ZNF516: variants seen among roughly 807,000 people sequenced by gnomAD.
The protein encoded by ZNF516 is zinc finger protein 516.
A neutral mutation model predicts 79.7 loss-of-function variants in ZNF516; 19 were observed. The ratio of observed to expected loss-of-function variants is 0.24; its 90% CI spans 0.17 to 0.35. The LOEUF (loss-of-function observed/expected upper bound fraction) is 0.35, where lower values mean the gene tolerates loss of function less well. ZNF516 is among the 10% of genes least tolerant of loss of function. The probability of loss-of-function intolerance (pLI) is 1.00; values close to 1 mark genes in which losing one functional copy is unlikely to be tolerated. For missense variants in ZNF516, 1,678 were observed against 1,679.5 expected (o/e 1.00, Z 0.02); for synonymous variants, 877 against 739.5 (o/e 1.19, Z -3.02).
intron 2 of ZNF516, among the ~76,000 whole-genome samples, chr18:76,450,751 T>C (rs1912358188): frequency 6.6e-6 from 1 of 152,230 alleles, no homozygotes; most frequent in Non-Finnish European, 1.5e-5. Flanking sequence ...AATAATGTTC[T>C]GACCAGTTAA....
chr18:76,434,708 C>T (rs2075707274), intron 3 of ZNF516, among the ~76,000 whole-genome samples: 1 of 152,174 alleles, frequency 6.6e-6, no homozygotes, highest in Admixed American at 6.5e-5. Flanking sequence ...TCCTGCCCCT[C>T]GCGGACACAC....
intron 1 of ZNF516, among the ~76,000 whole-genome samples, chr18:76,485,813 A>C (rs985481195): frequency 5.9e-5 from 9 of 151,866 alleles, no homozygotes; most frequent in African/African-American, 1.9e-4. Context: ...CGCACCACAG[A>C]AGCTCAGGGG....
intron 1 of ZNF516, among the ~76,000 whole-genome samples, chr18:76,470,167 C>T (rs893269798): frequency 2.0e-5 from 3 of 152,116 alleles, no homozygotes; most frequent in South Asian, 2.1e-4. Context: ...GATTTGGAAC[C>T]GCCCATTGGT....
chr18:76,399,146 C>T (rs940543826), intron 3 of ZNF516, among the ~76,000 whole-genome samples: 3 of 152,198 alleles, frequency 2.0e-5, no homozygotes, highest in Admixed American at 1.3e-4. Flanking sequence ...TGGTGCTACG[C>T]GTGTGGTCCC....
chr18:76,412,775 G>A (rs772071798), intron 3 of ZNF516, among the ~76,000 whole-genome samples: 9 of 152,134 alleles, frequency 5.9e-5, no homozygotes, highest in Non-Finnish European at 1.0e-4. Context: ...CACAGTTTTG[G>A]GCAACCAGGG....
intron 1 of ZNF516, among the ~76,000 whole-genome samples, chr18:76,470,268 A>T (rs1457991914): frequency 1.3e-5 from 2 of 152,060 alleles, no homozygotes; most frequent in East Asian, 3.9e-4. Context: ...TTTCCCCCCA[A>T]CTTTTAACTT....
At chr18:76,461,534 G>C (rs1913109525) in intron 2 of ZNF516, among the ~76,000 whole-genome samples, 1 of 152,148 alleles carries the variant, frequency 6.6e-6, no homozygotes, top group African/African-American at 2.4e-5. Context: ...AGGAAATTTG[G>C]GGGTGGAAGG....
At chr18:76,362,792 C>T (rs1453693030) in intron 6 of ZNF516, among the ~76,000 whole-genome samples, 4 of 152,142 alleles carry the variant, frequency 2.6e-5, no homozygotes, top group Non-Finnish European at 4.4e-5. Context: ...AGCTTGAAAA[C>T]GAATCATTTC....
intron 1 of ZNF516, 89 bp downstream of exon 1, chr18:76,495,055 G>A (rs1433558491): frequency 6.8e-6 from 1 of 147,582 alleles, no homozygotes; most frequent in South Asian, 2.1e-4. Context: ...GCACACCAGA[G>A]TACGGGGCAC....
chr18:76,491,674 AC>A, intron 1 of ZNF516: 17 of 474,814 alleles, frequency 3.6e-5, no homozygotes, highest in Non-Finnish European at 4.1e-5. Flanking sequence ...CACCGCCCCC[AC>A]CCCGGGGCGG....
intron 2 of ZNF516, among the ~76,000 whole-genome samples, chr18:76,447,304 C>T (rs1912114509): frequency 6.6e-6 from 1 of 152,218 alleles, no homozygotes; most frequent in Non-Finnish European, 1.5e-5. Context: ...CTTTAAATCC[C>T]GCCAACCCCT....
chr18:76,371,373 C>A, intron 5 of ZNF516, 94 bp downstream of exon 5: 1 of 1,286,606 alleles, frequency 7.8e-7, no homozygotes, highest in Admixed American at 2.2e-5. Flanking sequence ...GCTGAAATCT[C>A]AGTATCTCCC....
intron 3 of ZNF516, among the ~76,000 whole-genome samples, chr18:76,396,850 A>G (rs1039625317): frequency 1.3e-5 from 2 of 152,200 alleles, no homozygotes; most frequent in Non-Finnish European, 2.9e-5. Flanking sequence ...TATGATGTAG[A>G]AAATGCACGA....
intron 1 of ZNF516, among the ~76,000 whole-genome samples, chr18:76,471,835 C>T (rs1217749446): frequency 1.3e-5 from 2 of 152,186 alleles, no homozygotes; most frequent in Non-Finnish European, 2.9e-5. Context: ...GGAAGCTGTT[C>T]TGGGACTCCG....
intron 3 of ZNF516, among the ~76,000 whole-genome samples, chr18:76,406,182 T>C (rs1361596030): frequency 6.6e-6 from 1 of 152,152 alleles, no homozygotes; most frequent in African/African-American, 2.4e-5. Flanking sequence ...AAACCTCTCT[T>C]TTACCCTGAC....
At position 76,441,615 on chromosome 18, in the gene ZNF516, G is replaced by A. The variant is rs748827928; in HGVS notation, c.1440C>T (p.Arg480=). The A allele has an allele frequency of 1.3e-6, 2 of 1,493,446 alleles. No individual in the cohort carries two copies. The highest frequency in any genetic ancestry group is 1.4e-5 in the African/African-American group (1 of 68,996). The allele number at this position is 1,493,446 out of a possible 1,614,324, so 92.5% of individuals were successfully genotyped here. The change falls in exon 3 of 7, where the codon CGC becomes CGT. Residue 480 remains arginine (R), a synonymous_variant. Coordinates refer to ENST00000443185, the MANE Select transcript of ZNF516 (RefSeq NM_014643.4). ...GCGCGGGGTCCCCAGGCCCGCTCGC[G>A]CGCTTCCGCGGGGGCCCCTGCGCGG... is the stretch of plus-strand genomic sequence containing the variant. ...APAAQGPPRK[R]ASGPGDPAPA... is the part of the protein sequence containing the mutation.
intron 1 of ZNF516, among the ~76,000 whole-genome samples, chr18:76,480,031 C>CA (rs1176296759): frequency 1.3e-5 from 2 of 152,122 alleles, no homozygotes; most frequent in African/African-American, 4.8e-5. Flanking sequence ...TCAACCCTGG[C>CA]ACCAGGCGGC....
intron 3 of ZNF516, among the ~76,000 whole-genome samples, chr18:76,428,856 G>A (rs149449480): frequency 1.3e-5 from 2 of 152,390 alleles, no homozygotes; most frequent in African/African-American, 4.8e-5. Context: ...CACAAAAGAT[G>A]TGTGGATGTT....
At chr18:76,480,615 C>T (rs754212408) in intron 1 of ZNF516, among the ~76,000 whole-genome samples, 4 of 151,974 alleles carry the variant, frequency 2.6e-5, no homozygotes, top group Non-Finnish European at 4.4e-5. Flanking sequence ...CTCCATCTCC[C>T]GGATTGAAGC....
Sources: gnomAD v4.1 joint callset for allele counts (sites outside exome capture counted in the v4.1 genomes callset) on GRCh38, gnomAD v4.1.1 for gene constraint, MANE v1.5 for transcripts, NCBI Gene and HGNC (gene_info 2026-07-23, HGNC 2026-07-21) for gene names.